The following MET variants were observed in gnomAD, a reference collection of about 807,000 sequenced individuals.
The protein encoded by MET is hepatocyte growth factor receptor.
A neutral mutation model predicts 133.1 loss-of-function variants in MET; 48 were observed. That is an observed-to-expected ratio of 0.36 (90% CI 0.29 to 0.46). MET has a LOEUF of 0.46. Among genes scored for constraint, MET ranks in the 20% least tolerant of loss-of-function variants. The pLI is 1.00. For synonymous variants in MET, 628 were observed against 616.5 expected (o/e 1.02, Z -0.28); for missense variants, 1,442 against 1,695.9 (o/e 0.85, Z 2.63).
intron 5 of MET, 150 bp from the exon 6 acceptor site, chr7:116,755,205 C>G: frequency 1.1e-6 from 1 of 907,990 alleles, no homozygotes; most frequent in Non-Finnish European, 1.7e-6. Flanking sequence ...ACCCTTTTCC[C>G]TTTAGTGAAA....
chr7:116,795,730 A>G lies in MET; in HGVS notation c.3874A>G (p.Ile1292Val), dbSNP rs1485105398. The change falls in exon 20 of 21, where the codon ATA (isoleucine) becomes GTA (valine). Residue 1292 changes from isoleucine (I) to valine (V), a missense_variant. Ile to Val is a conservative substitution (Grantham distance 29). Transcript: ENST00000397752. ...PPYPDVNTFD[I>V]TVYLLQGRRL... ...TTATCCTGACGTAAACACCTTTGATATAACTGTTTACTTGTTGCAAGGGAG... is the reference window on the plus strand; with the variant it reads ...TTATCCTGACGTAAACACCTTTGATGTAACTGTTTACTTGTTGCAAGGGAG... 1.9e-6 allele frequency: 3 copies of G among 1,614,178 alleles called. No individual in the cohort carries two copies. Among genetic ancestry groups the G allele is most frequent in the East Asian group, 2.2e-5 (1 of 44,872 alleles).
chr7:116,689,279 C>T (rs1796687117), intron 1 of MET, among the ~76,000 whole-genome samples: 1 of 152,120 alleles, frequency 6.6e-6, no homozygotes, highest in Non-Finnish European at 1.5e-5. Flanking sequence ...AAATGCTATG[C>T]AGTTTTGCAA....
intron 5 of MET, among the ~76,000 whole-genome samples, chr7:116,748,820 A>G (rs1031916783): frequency 6.6e-6 from 1 of 152,228 alleles, no homozygotes; most frequent in African/African-American, 2.4e-5. Flanking sequence ...AGAGAATACT[A>G]TAAATATCTC....
chr7:116,743,318 G>A (rs1187080461), intron 5 of MET, among the ~76,000 whole-genome samples: 5 of 152,204 alleles, frequency 3.3e-5, no homozygotes, highest in Non-Finnish European at 7.3e-5. Flanking sequence ...CATTTGGGCA[G>A]ACACCGAGCA....
At chr7:116,682,573 A>G (rs1796401001) in intron 1 of MET, among the ~76,000 whole-genome samples, 1 of 152,226 alleles carries the variant, frequency 6.6e-6, no homozygotes, top group South Asian at 2.1e-4. Flanking sequence ...CAAGGAATTT[A>G]CCACTGAGTT....
intron 2 of MET, among the ~76,000 whole-genome samples, chr7:116,703,375 C>T (rs889919439): frequency 1.3e-5 from 2 of 152,092 alleles, no homozygotes; most frequent in African/African-American, 4.8e-5. Context: ...TCTTTACCTC[C>T]TCCTTTACCC....
chr7:116,751,715 C>T (rs1055682499), intron 5 of MET, among the ~76,000 whole-genome samples: 2 of 152,086 alleles, frequency 1.3e-5, no homozygotes, highest in Non-Finnish European at 2.9e-5. Context: ...AAAGGGAGAG[C>T]ACTTTTTAAT....
At position 116,782,114 on chromosome 7, in the gene MET, C is replaced by G. The variant is rs758230781; in HGVS notation, c.3632+17C>G. ...AAACTGTATGTAAGTATCAGAATCT[C>G]TGTGCCACAATCCAAATTAAGTGAC... On this transcript the variant is annotated intron_variant, in intron 18 of 20. Coordinates refer to ENST00000397752, the MANE Select transcript of MET (RefSeq NM_000245.4). 4.6e-5 allele frequency: 70 copies of G among 1,521,072 alleles called. No individual in the cohort carries two copies. The South Asian group carries it at 7.0e-4, about 15-fold the overall frequency. 94.2% of individuals were successfully genotyped at this position (1,521,072 alleles called of 1,614,324 possible). A position where few individuals can be genotyped will look rare whatever the true frequency, so the allele number is the denominator to read the frequency against.
At chr7:116,777,319 A>G in intron 15 of MET, 70 bp from the exon 16 acceptor site, 1 of 1,270,240 alleles carries the variant, frequency 7.9e-7, no homozygotes, top group Non-Finnish European at 1.2e-6. Context: ...AAGCTCATAA[A>G]GGGTTTGATA....
At chr7:116,697,930 C>T (rs1797023872) in intron 1 of MET, among the ~76,000 whole-genome samples, 1 of 152,312 alleles carries the variant, frequency 6.6e-6, no homozygotes, top group African/African-American at 2.4e-5. Flanking sequence ...GGGCTATGTC[C>T]CATTTCTCAT....
At chr7:116,744,572 C>T (rs935922573) in intron 5 of MET, among the ~76,000 whole-genome samples, 9 of 152,100 alleles carry the variant, frequency 5.9e-5, no homozygotes, top group South Asian at 2.1e-4. Context: ...GATTGGTGTA[C>T]CTGAAAGTTA....
At chr7:116,759,722 CAAGA>C (rs1794324115) in intron 10 of MET, 1 of 520,644 alleles carries the variant, frequency 1.9e-6, no homozygotes, top group Non-Finnish European at 3.5e-6. Context: ...AATGTTTAGA[CAAGA>C]ATGAAGATTA....
intron 11 of MET, 70 bp from the exon 12 acceptor site, chr7:116,769,575 C>T (rs1217665419): frequency 2.5e-6 from 4 of 1,573,068 alleles, no homozygotes; most frequent in Admixed American, 3.4e-5. Flanking sequence ...ATTTATATTC[C>T]TTTGCCATTG....
intron 8 of MET, among the ~76,000 whole-genome samples, chr7:116,757,990 CAGTTTTGT>C (rs1199620507): frequency 6.6e-6 from 1 of 152,080 alleles, no homozygotes; most frequent in East Asian, 1.9e-4. Context: ...TCCTACTTTT[CAGTTTTGT>C]CTTCCCATCC....
chr7:116,682,365 A>G (rs1252947198), intron 1 of MET, among the ~76,000 whole-genome samples: 2 of 152,216 alleles, frequency 1.3e-5, no homozygotes, highest in African/African-American at 4.8e-5. Context: ...TGATCATTAT[A>G]TGTGATTTAT....
chr7:116,673,379 G>A (rs990835856), intron 1 of MET, among the ~76,000 whole-genome samples: 15 of 152,178 alleles, frequency 9.9e-5, no homozygotes, highest in Non-Finnish European at 1.2e-4. Flanking sequence ...TATGTTCAAA[G>A]GAGCCCTCGG....
At chr7:116,704,253 G>C (rs974263786) in intron 2 of MET, among the ~76,000 whole-genome samples, 1 of 152,058 alleles carries the variant, frequency 6.6e-6, no homozygotes, top group African/African-American at 2.4e-5. Flanking sequence ...TATAAATTTA[G>C]CCCGTTGGGA....
chr7:116,781,602 C>T (rs749625939), intron 17 of MET, among the ~76,000 whole-genome samples: 6 of 152,218 alleles, frequency 3.9e-5, no homozygotes, highest in African/African-American at 7.2e-5. Context: ...GACAAGGTCT[C>T]TGTCACCCAG....
At chr7:116,776,796 A>G (rs1280403460) in intron 15 of MET, among the ~76,000 whole-genome samples, 3 of 152,166 alleles carry the variant, frequency 2.0e-5, no homozygotes, top group Non-Finnish European at 4.4e-5. Flanking sequence ...AGCCAGAGAG[A>G]ACTGGATGAA....
Sources: gnomAD v4.1 joint callset for allele counts (sites outside exome capture counted in the v4.1 genomes callset) on GRCh38, gnomAD v4.1.1 for gene constraint, MANE v1.5 for transcripts, NCBI Gene and HGNC (gene_info 2026-07-23, HGNC 2026-07-21) for gene names.